RABEPK: variants seen among roughly 807,000 people sequenced by gnomAD.
RABEPK encodes Rab9 effector protein with kelch motifs.
Under a neutral mutation model 34.1 loss-of-function variants are expected in RABEPK, and 27 were observed. That is an observed-to-expected ratio of 0.79 (90% CI 0.58 to 1.09). The LOEUF (loss-of-function observed/expected upper bound fraction) is 1.09, where lower values mean the gene tolerates loss of function less well. Among genes scored for constraint, RABEPK ranks in the 50% least tolerant of loss-of-function variants. The probability of loss-of-function intolerance (pLI) is 0.00; values close to 1 mark genes in which losing one functional copy is unlikely to be tolerated. For synonymous variants in RABEPK, 172 were observed against 169.2 expected (o/e 1.02, Z -0.13); for missense variants, 449 against 462.6 (o/e 0.97, Z 0.27).
chr9:125,225,312 G>C (rs1588397128), intron 5 of RABEPK, among the ~76,000 whole-genome samples: 1 of 151,972 alleles, frequency 6.6e-6, no homozygotes, highest in Non-Finnish European at 1.5e-5. Context: ...TTGAACCTGC[G>C]AGGCAGAGGT....
chr9:125,223,688 G>T (rs555566134), intron 5 of RABEPK, among the ~76,000 whole-genome samples: 29 of 141,442 alleles, frequency 2.1e-4, no homozygotes, highest in African/African-American at 7.0e-4. Flanking sequence ...TTGCACCACT[G>T]CACTCCAGCC....
chr9:125,212,461 C>T (rs1747123159), intron 3 of RABEPK, among the ~76,000 whole-genome samples: 1 of 151,984 alleles, frequency 6.6e-6, no homozygotes, highest in Non-Finnish European at 1.5e-5. Flanking sequence ...CCTCATGATC[C>T]GCCCACCTCG....
intron 3 of RABEPK, 117 bp downstream of exon 3, chr9:125,207,838 G>A: frequency 3.9e-6 from 5 of 1,269,470 alleles, no homozygotes; most frequent in African/African-American, 1.5e-5. Flanking sequence ...AAGAAAACAT[G>A]GCCAGGACCA....
intron 2 of RABEPK, among the ~76,000 whole-genome samples, chr9:125,203,356 AT>A (rs1463852232): frequency 6.6e-6 from 1 of 152,186 alleles, no homozygotes; most frequent in Non-Finnish European, 1.5e-5. Flanking sequence ...GCTCTGACTC[AT>A]TTTTAAGATT....
chr9:125,232,474 A>C, intron 6 of RABEPK, 122 bp from the exon 7 acceptor site: 1 of 1,152,160 alleles, frequency 8.7e-7, no homozygotes, highest in Non-Finnish European at 1.2e-6. Flanking sequence ...TATGTGCACT[A>C]AACCTCTCAG....
chr9:125,231,219 G>A (rs137973567), intron 6 of RABEPK, among the ~76,000 whole-genome samples: 3 of 152,210 alleles, frequency 2.0e-5, no homozygotes, highest in African/African-American at 4.8e-5. Flanking sequence ...GCTTGAATCC[G>A]GGAGGTGGAG....
At position 125,234,063 on chromosome 9, in the gene RABEPK, T is replaced by G. The variant is rs1179369576; in HGVS notation, c.*83T>G. 1.2e-5 allele frequency: 16 copies of G among 1,300,228 alleles called. No homozygotes were observed. The highest frequency in any genetic ancestry group is 1.7e-5 in the Non-Finnish European group (16 of 933,510). 80.5% of individuals were successfully genotyped at this position (1,300,228 alleles called of 1,614,324 possible). On this transcript the variant is annotated 3_prime_UTR_variant, in exon 8 of 8. Transcript: ENST00000373538. The stretch of plus-strand genomic sequence containing the variant: ...AGCTGTTTTATACCTCCAAAATATC[T>G]TCTGCATTATATATCTGTTTTTCTC...
intron 6 of RABEPK, among the ~76,000 whole-genome samples, chr9:125,228,545 GC>G (rs1831934916): frequency 6.6e-6 from 1 of 151,536 alleles, no homozygotes; most frequent in Non-Finnish European, 1.5e-5. Flanking sequence ...TGTAATCCCA[GC>G]TACGTTGGTG....
At chr9:125,212,597 C>T (rs566027234) in intron 3 of RABEPK, among the ~76,000 whole-genome samples, 1 of 151,448 alleles carries the variant, frequency 6.6e-6, no homozygotes, top group East Asian at 1.9e-4. Context: ...TCACTTAAAC[C>T]AGAGGAAAAA....
intron 5 of RABEPK, 123 bp from the exon 6 acceptor site, chr9:125,227,787 C>T (rs1831866813): frequency 6.1e-6 from 5 of 824,676 alleles, no homozygotes; most frequent in African/African-American, 3.5e-5. Flanking sequence ...GTGAATGACC[C>T]CAGGGTTGCT....
At chr9:125,225,750 G>C (rs1337916162) in intron 5 of RABEPK, among the ~76,000 whole-genome samples, 1 of 151,802 alleles carries the variant, frequency 6.6e-6, no homozygotes, top group Admixed American at 6.6e-5. Context: ...CACGAGGTCA[G>C]GAGATCGAGA....
At chr9:125,227,435 T>C (rs975744956) in intron 5 of RABEPK, among the ~76,000 whole-genome samples, 3 of 151,910 alleles carry the variant, frequency 2.0e-5, no homozygotes, top group African/African-American at 7.2e-5. Flanking sequence ...TTTTTTCTTT[T>C]TTTTAAGACA....
intron 1 of RABEPK, among the ~76,000 whole-genome samples, chr9:125,201,614 A>T (rs1016146149): frequency 2.2e-4 from 33 of 150,358 alleles, no homozygotes; most frequent in African/African-American, 7.8e-4. Flanking sequence ...CTCCATTTCT[A>T]TTTTTTTTTC....
In RABEPK at chr9:125,213,413, C is replaced by T. The variant is rs1830713413; in HGVS notation, c.255C>T (p.Pro85=). The T allele has an allele frequency of 1.2e-6, 2 of 1,613,786 alleles. No homozygotes were observed. The highest frequency in any genetic ancestry group is 3.3e-5 in the Admixed American group (2 of 59,886). ...TAGATACCTGCAAGGGCCTCTTGCC[C>T]CGGTATGAACATGCTAGCTTCATTC... ...WDLDTCKGLL[P]RYEHASFIPS... Residue 85 remains proline, a synonymous_variant, in exon 4 of 8, where the codon CCC becomes CCT. Coordinates refer to ENST00000373538, the MANE Select transcript of RABEPK (RefSeq NM_005833.4).
At position 125,233,931 on chromosome 9, in the gene RABEPK, A is replaced by G. The variant is rs1832408404; in HGVS notation, c.1070A>G (p.Asn357Ser). ...TLLCLVFGGM[N>S]TEGEIYDDCI... ...CTCTGTTTGGTGTTTGGTGGGATGAATACAGAAGGGGAAATCTATGACGAT... is the reference window on the plus strand; with the variant it reads ...CTCTGTTTGGTGTTTGGTGGGATGAGTACAGAAGGGGAAATCTATGACGAT... The change falls in exon 8 of 8, where the codon AAT becomes AGT. Residue 357 changes from asparagine (N) to serine (S), a missense_variant. Asn to Ser is a conservative substitution (Grantham distance 46, BLOSUM62 1). Transcript: ENST00000373538. 6.2e-7 allele frequency: 1 copy of G among 1,613,630 alleles called. No homozygotes were observed. Among genetic ancestry groups the G allele is most frequent in the East Asian group, 2.2e-5 (1 of 44,880 alleles).
At chr9:125,227,176 A>G (rs935513574) in intron 5 of RABEPK, among the ~76,000 whole-genome samples, 1 of 152,012 alleles carries the variant, frequency 6.6e-6, no homozygotes, top group African/African-American at 2.4e-5. Flanking sequence ...GTCTCAAATA[A>G]TAATAATAAT....
chr9:125,225,790 A>C (rs868134833), intron 5 of RABEPK, among the ~76,000 whole-genome samples: 15 of 151,716 alleles, frequency 9.9e-5, no homozygotes, highest in Non-Finnish European at 1.5e-4. Context: ...GAAACCCCGT[A>C]TCTACTAAAA....
rs557281473 is a variant in RABEPK, at chr9:125,225,651, C to T, written c.527-2259C>T. The stretch of plus-strand genomic sequence containing the variant: ...CAGGTTGGCCAACATGGTGAAACCC[C>T]GTCTCTACTAAAAATACAAAAATTA... On this transcript the variant is annotated intron_variant, in intron 5 of 7. Coordinates refer to ENST00000373538, the MANE Select transcript of RABEPK (RefSeq NM_005833.4). Among the ~76,000 whole-genome samples the T allele has an allele frequency of 1.2e-3, 189 of 151,834 alleles. 1 individual carries two copies. Among genetic ancestry groups the T allele is most frequent in the African/African-American group, 4.3e-3 (179 of 41,402 alleles).
chr9:125,226,810 G>A (rs527271703), intron 5 of RABEPK, among the ~76,000 whole-genome samples: 1 of 152,078 alleles, frequency 6.6e-6, no homozygotes, highest in South Asian at 2.1e-4. Context: ...GTTACAGTAA[G>A]CCGAGATTGT....
Sources: allele counts gnomAD v4.1 joint callset (sites outside exome capture counted in the v4.1 genomes callset), GRCh38; gene constraint gnomAD v4.1.1; transcripts MANE v1.5; gene names NCBI Gene and HGNC (gene_info 2026-07-23, HGNC 2026-07-21).